Variants in TACC1 observed in about 807,000 individuals in gnomAD.
The protein encoded by TACC1 is transforming acidic coiled-coil-containing protein 1.
Under a neutral mutation model 84.4 loss-of-function variants are expected in TACC1, and 48 were observed. That is an observed-to-expected ratio of 0.57 (90% CI 0.45 to 0.72). The LOEUF (loss-of-function observed/expected upper bound fraction) is 0.72. TACC1 is among the 30% of genes least tolerant of loss of function. The pLI, the probability that TACC1 is intolerant of heterozygous loss-of-function variation, is 0.00. For synonymous variants in TACC1, 372 were observed against 376.3 expected (o/e 0.99, Z 0.13); for missense variants, 920 against 973.0 (o/e 0.95, Z 0.72).
intron 1 of TACC1, among the ~76,000 whole-genome samples, chr8:38,732,948 G>T (rs913671972): frequency 1.3e-5 from 2 of 152,150 alleles, no homozygotes; most frequent in Admixed American, 1.3e-4. Context: ...TTGCAACATG[G>T]GCACAGCGCT....
chr8:38,842,025 G>A (rs538539264), intron 9 of TACC1, among the ~76,000 whole-genome samples: 2 of 152,150 alleles, frequency 1.3e-5, no homozygotes, highest in South Asian at 2.1e-4. Context: ...ATTTCTGTCC[G>A]GTCTATGCTC....
At chr8:38,809,354 C>T (rs543231841) in intron 2 of TACC1, among the ~76,000 whole-genome samples, 7 of 152,166 alleles carry the variant, frequency 4.6e-5, no homozygotes, top group Admixed American at 1.3e-4. Context: ...AACTGCAGAG[C>T]GTTTGATGTC....
chr8:38,757,150 C>A, intron 3 of TACC1: 2 of 695,844 alleles, frequency 2.9e-6, no homozygotes, highest in South Asian at 2.2e-5. Flanking sequence ...GAGAAGTTGG[C>A]GGCATCTGAA....
intron 2 of TACC1, among the ~76,000 whole-genome samples, chr8:38,805,992 G>A (rs1236649016): frequency 6.6e-6 from 1 of 152,156 alleles, no homozygotes; most frequent in Non-Finnish European, 1.5e-5. Flanking sequence ...TGGTAACCAG[G>A]GCTTCTATTC....
intron 3 of TACC1, among the ~76,000 whole-genome samples, chr8:38,749,201 A>G (rs1808587581): frequency 6.6e-6 from 1 of 152,228 alleles, no homozygotes; most frequent in East Asian, 1.9e-4. Context: ...TGGGAAATAC[A>G]TAAATTATAA....
intron 3 of TACC1, among the ~76,000 whole-genome samples, chr8:38,761,982 G>T (rs1234867093): frequency 6.6e-6 from 1 of 152,142 alleles, no homozygotes; most frequent in Admixed American, 6.5e-5. Flanking sequence ...GATTTGAATT[G>T]CATGACAAGG....
chr8:38,808,890 A>G (rs1349673054), intron 2 of TACC1, among the ~76,000 whole-genome samples: 1 of 151,792 alleles, frequency 6.6e-6, no homozygotes, highest in Non-Finnish European at 1.5e-5. Context: ...GTAAATGAGC[A>G]TTCTTCTCCC....
chr8:38,821,041 C>T (rs1826676637), intron 3 of TACC1, among the ~76,000 whole-genome samples: 1 of 152,018 alleles, frequency 6.6e-6, no homozygotes, highest in African/African-American at 2.4e-5. Context: ...CCTGTCTCTA[C>T]TAAAAATGCA....
At chr8:38,784,651 T>C (rs1216881096), upstream of TACC1, among the ~76,000 whole-genome samples, 1 of 152,234 alleles carries the variant, frequency 6.6e-6, no homozygotes, top group Non-Finnish European at 1.5e-5. Flanking sequence ...TGTTATTTTC[T>C]GGCCCAGAAA....
upstream of TACC1, chr8:38,787,171 A>G (rs940906676): frequency 1.6e-5 from 16 of 984,542 alleles, no homozygotes; most frequent in African/African-American, 2.8e-4. Context: ...GTACGGTCCG[A>G]GGGGGCGGCT....
chr8:38,786,506 A>C (rs1250471687), upstream of TACC1, among the ~76,000 whole-genome samples: 1 of 152,214 alleles, frequency 6.6e-6, no homozygotes, highest in Non-Finnish European at 1.5e-5. Flanking sequence ...GTTCAAGACC[A>C]GCCTGGGCAA....
upstream of TACC1, among the ~76,000 whole-genome samples, chr8:38,784,395 G>A (rs1020599476): frequency 2.0e-5 from 3 of 152,008 alleles, no homozygotes; most frequent in Admixed American, 6.6e-5. Context: ...ATGAAACCCC[G>A]TCTCTACTAA....
chr8:38,838,376 T>C, intron 7 of TACC1, 94 bp from the exon 8 acceptor site: 1 of 809,852 alleles, frequency 1.2e-6, no homozygotes, highest in Middle Eastern at 2.4e-4. Flanking sequence ...AGATTGAACA[T>C]CTTGGGTTAG....
chr8:38,764,119 C>G (rs1298752180), intron 3 of TACC1, among the ~76,000 whole-genome samples: 1 of 152,150 alleles, frequency 6.6e-6, no homozygotes, highest in Non-Finnish European at 1.5e-5. Flanking sequence ...ACTCTGTCAC[C>G]CAGGCTGGAG....
intron 3 of TACC1, among the ~76,000 whole-genome samples, chr8:38,748,904 G>C (rs1427327118): frequency 1.3e-5 from 2 of 151,658 alleles, no homozygotes; most frequent in African/African-American, 4.8e-5. Flanking sequence ...AGAGTAAATT[G>C]AACTCAAAGC....
intron 3 of TACC1, among the ~76,000 whole-genome samples, chr8:38,765,263 G>A (rs1812024127): frequency 6.6e-6 from 1 of 151,916 alleles, no homozygotes; most frequent in South Asian, 2.1e-4. Flanking sequence ...CATGTATTGG[G>A]CACTTGATTA....
upstream of TACC1, among the ~76,000 whole-genome samples, chr8:38,786,213 T>C (rs1817108027): frequency 6.6e-6 from 1 of 152,174 alleles, no homozygotes; most frequent in Admixed American, 6.5e-5. Flanking sequence ...AGGCAATCGA[T>C]TCACTTGGAA....
rs1825763252 is a variant in TACC1 at position 38,817,848 on chromosome 8, A to C, written c.278-1674A>C. ...GAGATGGGAGAATTGCTTGAGCCCCAGAGTTTGAGGCTGCAGTGAGCTGTG... is the reference window on the plus strand; with the variant it reads ...GAGATGGGAGAATTGCTTGAGCCCCCGAGTTTGAGGCTGCAGTGAGCTGTG... On this transcript the variant is annotated intron_variant, in intron 2 of 12. Coordinates refer to ENST00000317827, the MANE Select transcript of TACC1 (RefSeq NM_006283.3). 2.1e-5 allele frequency among the ~76,000 whole-genome samples: 3 copies of C among 144,944 alleles called. No individual in the cohort carries two copies. The South Asian group carries it at 6.9e-4, about 33-fold the overall frequency.
intron 2 of TACC1, among the ~76,000 whole-genome samples, chr8:38,743,387 A>G (rs1807462688): frequency 1.3e-5 from 2 of 152,182 alleles, no homozygotes; most frequent in Admixed American, 1.3e-4. Context: ...ATACAAGAGG[A>G]AATGTATTTG....
Sources: gnomAD v4.1 joint callset for allele counts (sites outside exome capture counted in the v4.1 genomes callset) on GRCh38, gnomAD v4.1.1 for gene constraint, MANE v1.5 for transcripts, NCBI Gene and HGNC (gene_info 2026-07-23, HGNC 2026-07-21) for gene names.